The following CABIN1 variants were observed in gnomAD, a reference collection of about 807,000 sequenced individuals.
The protein encoded by CABIN1 is calcineurin binding protein 1.
In CABIN1, 133 loss-of-function variants were observed where a neutral mutation model predicts 227.7. The observed-to-expected ratio is 0.58, with a 90% CI of 0.51 to 0.67. The LOEUF is 0.67. Among genes scored for constraint, CABIN1 ranks in the 30% least tolerant of loss-of-function variants. CABIN1 has a pLI of 0.00. For synonymous variants in CABIN1, 1,086 were observed against 1,155.1 expected, an observed-to-expected ratio of 0.94 and a Z score of 1.21; for missense variants, 2,408 against 2,852.5, an observed-to-expected ratio of 0.84 and a Z score of 3.55.
At chr22:24,131,598 G>C (rs1429370460) in intron 28 of CABIN1, among the ~76,000 whole-genome samples, 2 of 152,172 alleles carry the variant, frequency 1.3e-5, no homozygotes, top group African/African-American at 2.4e-5. Flanking sequence ...GACTGCCCCA[G>C]GTGTCTGGGC....
chr22:24,098,231 C>A, intron 26 of CABIN1, 39 bp downstream of exon 26: 1 of 1,613,368 alleles, frequency 6.2e-7, no homozygotes, highest in South Asian at 1.1e-5. Flanking sequence ...CCCAGGGCGG[C>A]ACATCAATCA....
intron 34 of CABIN1, among the ~76,000 whole-genome samples, chr22:24,174,653 G>T (rs2047007259): frequency 6.6e-6 from 1 of 152,140 alleles, no homozygotes; most frequent in Non-Finnish European, 1.5e-5. Context: ...CCACGTGGTT[G>T]CAGTCAAGCT....
At chr22:24,013,265 C>T (rs1192799884) in intron 1 of CABIN1, among the ~76,000 whole-genome samples, 4 of 130,976 alleles carry the variant, frequency 3.1e-5, no homozygotes, top group African/African-American at 8.9e-5. Context: ...GGTGCGATCT[C>T]GCCTCACTGC....
At chr22:24,057,089 A>C (rs936241221) in intron 10 of CABIN1, among the ~76,000 whole-genome samples, 1 of 152,088 alleles carries the variant, frequency 6.6e-6, no homozygotes, top group Non-Finnish European at 1.5e-5. Flanking sequence ...GGTGCCTGCC[A>C]CCGCGCCTGG....
chr22:24,071,946 C>G (rs1889115697), intron 17 of CABIN1, among the ~76,000 whole-genome samples: 4 of 152,196 alleles, frequency 2.6e-5, no homozygotes, highest in African/African-American at 7.2e-5. Flanking sequence ...TAATAAGGCT[C>G]TCACCTGTCT....
chr22:24,133,093 AGGGT>A (rs2044169601), intron 28 of CABIN1, among the ~76,000 whole-genome samples: 1 of 152,062 alleles, frequency 6.6e-6, no homozygotes. Flanking sequence ...CCTTCCCCTC[AGGGT>A]GGGGCAGGCA....
rs751323772 is a variant in CABIN1 at position 24,098,021 on chromosome 22, G to A, written c.3946G>A (p.Ala1316Thr). 2 of 1,614,162 alleles carry A rather than the reference G, an allele frequency of 1.2e-6. No homozygotes were observed. The highest frequency in any genetic ancestry group is 1.1e-5 in the South Asian group (1 of 91,088). The change falls in exon 26 of 37, where the codon GCC becomes ACC. Residue 1316 changes from alanine (A) to threonine (T), a missense_variant. Ala to Thr is a moderately conservative substitution (Grantham distance 58). This residue lies in a region of CABIN1 where 649 missense variants were observed against 910.3 expected (regional missense o/e 0.71). Transcript: ENST00000263119. ...NTPKASEKEK[A>T]CLVDEDSHSS... ...AAACCTCTGTTCCCACAGGGAGAAG[G>A]CCTGCCTGGTGGACGAGGACTCCCA...
intron 28 of CABIN1, among the ~76,000 whole-genome samples, chr22:24,125,109 G>A (rs1296528188): frequency 6.6e-6 from 1 of 152,214 alleles, no homozygotes; most frequent in African/African-American, 2.4e-5. Context: ...ACTCAGATGA[G>A]GTATGAGGAG....
chr22:24,017,609 C>G (rs1341741031), intron 1 of CABIN1, among the ~76,000 whole-genome samples: 2 of 152,182 alleles, frequency 1.3e-5, no homozygotes, highest in Non-Finnish European at 2.9e-5. Flanking sequence ...GCTTATTCGA[C>G]TTACTGTAAT....
In CABIN1 at chr22:24,059,275, T is replaced by C; in HGVS notation, c.1311T>C (p.Tyr437=). The C allele has an allele frequency of 1.2e-6, 2 of 1,614,214 alleles. No homozygotes were observed. Among genetic ancestry groups the C allele is most frequent in the Non-Finnish European group, 1.7e-6 (2 of 1,180,014 alleles). ...AGGAAGATGATTCCTTTAATAACTA[T>C]GAAGTCCAGTCAGAAGCCAAACTGG... ...PEEEDDSFNN[Y]EVQSEAKLES... The change falls in exon 11 of 37, where the codon TAT becomes TAC. Residue 437 remains tyrosine (Y), a synonymous_variant. Coordinates refer to ENST00000263119, the MANE Select transcript of CABIN1 (RefSeq NM_012295.4).
At position 24,119,659 on chromosome 22, in the gene CABIN1, C is replaced by T; in HGVS notation, c.4593C>T (p.Tyr1531=). The change falls in exon 28 of 37, where the codon TAC becomes TAT. Residue 1531 remains tyrosine (Y), a synonymous_variant. Transcript: ENST00000263119. ...SRFPQHYKSL[Y]RLAFLYTYSK... ...TCCCCCAGCACTATAAGAGTCTCTA[C>T]CGTCTGGCCTTCCTCTACACCTACA... 1 of 1,614,044 alleles carries T rather than the reference C, an allele frequency of 6.2e-7. No homozygotes were observed. Among genetic ancestry groups the T allele is most frequent in the Non-Finnish European group, 8.5e-7 (1 of 1,180,040 alleles).
At position 24,061,985 on chromosome 22, in the gene CABIN1, G is replaced by T; in HGVS notation, c.1656G>T (p.Gln552His). The change falls in exon 13 of 37, where the codon CAG becomes CAT. Residue 552 changes from glutamine (Q) to histidine (H), a missense_variant. Around this residue, in one of 3 missense-constraint regions of CABIN1, gnomAD observed 1,045 missense variants for 1,168.4 expected, o/e 0.89. Transcript: ENST00000263119. ...MLMSLSCMEL[Q>H]LDQWLLTKGR... ...TGTCTCTCTCCTGCATGGAACTCCAGCTGGACCAGTGGCTGCTGACCAAAG... is the reference window on the plus strand; with the variant it reads ...TGTCTCTCTCCTGCATGGAACTCCATCTGGACCAGTGGCTGCTGACCAAAG... The T allele has an allele frequency of 2.5e-6, 4 of 1,614,086 alleles. No individual in the cohort carries two copies. The highest frequency in any genetic ancestry group is 3.4e-6 in the Non-Finnish European group (4 of 1,180,032).
At chr22:24,067,549 T>C (rs1490003541) in intron 16 of CABIN1, among the ~76,000 whole-genome samples, 1 of 152,192 alleles carries the variant, frequency 6.6e-6, no homozygotes, top group East Asian at 1.9e-4. Context: ...GGCTAAAATA[T>C]CTGTACAGTG....
rs147029585 is a variant in CABIN1 at position 24,150,359 on chromosome 22, G to A, written c.4747-14041G>A. 6.6e-5 allele frequency among the ~76,000 whole-genome samples: 10 copies of A among 152,330 alleles called. 1 individual carries two copies. The East Asian group carries it at 1.9e-3, about 29-fold the overall frequency. ...GACCTTGCAGTTGGCCAGATTGTCAGACAGACTCAGTAGAAGGCATTCCAG... is the reference window on the plus strand; with the variant it reads ...GACCTTGCAGTTGGCCAGATTGTCAAACAGACTCAGTAGAAGGCATTCCAG... On this transcript the variant is annotated intron_variant, in intron 29 of 36. Transcript: ENST00000263119.
chr22:24,014,204 C>T (rs2035060920), intron 1 of CABIN1, among the ~76,000 whole-genome samples: 1 of 152,186 alleles, frequency 6.6e-6, no homozygotes. Context: ...TTTCCTTCTA[C>T]ATTATTAAGT....
At chr22:24,022,477 G>A (rs2035794241) in intron 1 of CABIN1, among the ~76,000 whole-genome samples, 1 of 152,144 alleles carries the variant, frequency 6.6e-6, no homozygotes, top group African/African-American at 2.4e-5. Context: ...GTATTCCACT[G>A]TATGATATAT....
At position 24,177,528 on chromosome 22, in the gene CABIN1, G is replaced by T. The variant is rs1300500329; in HGVS notation, c.6230G>T (p.Arg2077Ile). ...GAGGGGAAACTGAGGCCTGAGCCGAGAAGGGATGGGGAGGCTCAGGAGGCT... is the reference window on the plus strand; with the variant it reads ...GAGGGGAAACTGAGGCCTGAGCCGATAAGGGATGGGGAGGCTCAGGAGGCT... ...SQEGKLRPEPRRDGEAQEAAS... is the reference protein window; with the variant it reads ...SQEGKLRPEPIRDGEAQEAAS... Residue 2077 changes from arginine to isoleucine, a missense_variant, in exon 36 of 37, where the codon AGA (arginine) becomes ATA (isoleucine). This residue lies in a region of CABIN1 where 714 missense variants were observed against 773.8 expected (regional missense o/e 0.92). Coordinates refer to ENST00000263119, the MANE Select transcript of CABIN1 (RefSeq NM_012295.4). The surrounding 1 kb of genome is among the most constrained non-coding windows in gnomAD (Gnocchi z 4.4). 1.3e-6 allele frequency: 2 copies of T among 1,547,354 alleles called. No homozygotes were observed. The highest frequency in any genetic ancestry group is 2.7e-5 in the African/African-American group (2 of 72,810).
intron 11 of CABIN1, 117 bp from the exon 12 acceptor site, chr22:24,059,807 C>T: frequency 2.2e-6 from 2 of 907,810 alleles, no homozygotes; most frequent in South Asian, 1.4e-5. Flanking sequence ...GGTATCATGT[C>T]CACCTGGATC....
Position 24,051,048 on chromosome 22 carries a change from A to AG in CABIN1, c.806+77dup. 1.9e-6 allele frequency: 3 copies of AG among 1,588,322 alleles called. No individual in the cohort carries two copies. In the African/African-American group the frequency reaches 4.0e-5, roughly 21 times the overall value. On this transcript the variant is annotated intron_variant, in intron 8 of 36. Transcript: ENST00000263119. ...GTTGTGGGATGCTGCCCTGCACAGGAGGGAGAGACCTTGAGGCTTGATCCT... is the reference window on the plus strand; with the variant it reads ...GTTGTGGGATGCTGCCCTGCACAGGAGGGGAGAGACCTTGAGGCTTGATCCT...
Sources: allele counts gnomAD v4.1 joint callset (sites outside exome capture counted in the v4.1 genomes callset), GRCh38; gene constraint gnomAD v4.1.1; regional missense constraint gnomAD v4.1.1; non-coding constraint Gnocchi (gnomAD v3.1); transcripts MANE v1.5; gene names NCBI Gene and HGNC (gene_info 2026-07-23, HGNC 2026-07-21).